The following RNF10 variants were observed in gnomAD, a reference collection of about 807,000 sequenced individuals.
RNF10 encodes E3 ubiquitin-protein ligase RNF10.
In RNF10, 38 loss-of-function variants were observed where a neutral mutation model predicts 91.4. The ratio of observed to expected loss-of-function variants is 0.42; its 90% CI spans 0.32 to 0.54. RNF10 has a LOEUF of 0.54. Ranked by LOEUF, RNF10 falls within the 20% of genes least tolerant of loss-of-function variation. The pLI, the probability that RNF10 is intolerant of heterozygous loss-of-function variation, is 0.16. For synonymous variants in RNF10, 364 were observed against 366.3 expected (o/e 0.99, Z 0.07); for missense variants, 945 against 1,012.0 (o/e 0.93, Z 0.90).
chr12:120,574,567 G>A, intron 14 of RNF10: 1 of 455,942 alleles, frequency 2.2e-6, no homozygotes, highest in South Asian at 1.5e-5. Context: ...GCGGTGTCAG[G>A]AGAGAGTTTA....
At position 120,576,615 on chromosome 12, in the gene RNF10, A is replaced by G; in HGVS notation, c.2385A>G (p.Lys795=). 2 of 1,614,024 alleles carry G rather than the reference A, an allele frequency of 1.2e-6. No individual in the cohort carries two copies. Among genetic ancestry groups the G allele is most frequent in the South Asian group, 2.2e-5 (2 of 91,066 alleles). The change falls in exon 17 of 17, where the codon AAA becomes AAG. Residue 795 remains lysine, a synonymous_variant. Transcript: ENST00000325954. ...AAGAGAAAGGAGGAAAGAAAAGAAA[A>G]AAACAGAAACAGAAGCTCCTGTTCA... The part of the protein sequence containing the change: ...LSEEKGGKKR[K]KQKQKLLFST...
At chr12:120,560,937 G>C in intron 7 of RNF10, 51 bp downstream of exon 7, 1 of 1,581,056 alleles carries the variant, frequency 6.3e-7, no homozygotes, top group African/African-American at 1.3e-5. Context: ...TCGGCGTTCT[G>C]TGGTGAAAAC....
chr12:120,536,372 C>G (rs113454376), intron 1 of RNF10, among the ~76,000 whole-genome samples: 4,543 of 152,170 alleles, frequency 0.03, 234 homozygotes, highest in African/African-American at 0.1. Context: ...CTGCGGTGAG[C>G]TATATCACGA....
At chr12:120,548,660 C>CT (rs5801391) in intron 2 of RNF10, among the ~76,000 whole-genome samples, 38,489 of 133,292 alleles carry the variant, frequency 0.29, 6,610 homozygotes, top group Middle Eastern at 0.41. Context: ...TTTTTTCTTT[C>CT]TTTTTTTTTT....
chr12:120,564,060 AG>A, intron 10 of RNF10, 117 bp downstream of exon 10: 1 of 1,159,636 alleles, frequency 8.6e-7, no homozygotes, highest in East Asian at 2.4e-5. Flanking sequence ...TTGTATTTTT[AG>A]TCTTTCTGTC....
At chr12:120,553,165 C>A (rs1026641980) in intron 3 of RNF10, among the ~76,000 whole-genome samples, 5 of 139,186 alleles carry the variant, frequency 3.6e-5, no homozygotes. Flanking sequence ...CTCACTGCAA[C>A]CTCTGCCTCC....
At chr12:120,563,675 G>A (rs1355242396) in intron 9 of RNF10, 52 bp downstream of exon 9, 1 of 1,568,672 alleles carries the variant, frequency 6.4e-7, no homozygotes. Flanking sequence ...TTTCAGAGGT[G>A]ACCCGGTGCT....
At chr12:120,569,536 A>ATTTTTTTTTTTTTT (rs1326256466) in intron 13 of RNF10, among the ~76,000 whole-genome samples, 15 of 41,250 alleles carry the variant, frequency 3.6e-4, no homozygotes, top group African/African-American at 5.2e-4. Flanking sequence ...TGTGATATGC[A>ATTTTTTTTTTTTTT]TCTTTTTTTT....
intron 12 of RNF10, 95 bp downstream of exon 12, chr12:120,565,624 G>A (rs933768523): frequency 1.0e-6 from 1 of 992,066 alleles, no homozygotes; most frequent in African/African-American, 1.6e-5. Context: ...TTAGCCACTT[G>A]TTTTCTTCAA....
intron 1 of RNF10, among the ~76,000 whole-genome samples, chr12:120,541,712 G>A (rs986281375): frequency 2.6e-5 from 4 of 151,408 alleles, no homozygotes; most frequent in Non-Finnish European, 5.9e-5. Context: ...GGGATTACAA[G>A]CATGAGCCAT....
Position 120,561,366 on chromosome 12 carries a change from T to C in RNF10, c.1128+480T>C, listed in dbSNP as rs532602289. 2.2e-4 allele frequency among the ~76,000 whole-genome samples: 34 copies of C among 152,338 alleles called. 1 individual carries two copies. In the Middle Eastern group the frequency reaches 0.01, roughly 46 times the overall value. ...AACAGAATTCCCTGGGTCTTTTATC[T>C]TCCACAACAGAGATTCTTGAAGCAT... On this transcript the variant is annotated intron_variant, in intron 7 of 16. Coordinates refer to ENST00000325954, the MANE Select transcript of RNF10 (RefSeq NM_014868.5).
rs768635121 is a variant in RNF10, at chr12:120,563,014, G to A, written c.1198G>A (p.Glu400Lys). ...GGTCACTGGTGTTGTGGCTGCTCTG[G>A]AACAACTGGTGCTGATGGCTCCCTT... ...REVTGVVAAL[E>K]QLVLMAPLAK... Residue 400 changes from glutamate to lysine, a missense_variant, in exon 8 of 17, where the codon GAA (glutamate) becomes AAA (lysine). Coordinates refer to ENST00000325954, the MANE Select transcript of RNF10 (RefSeq NM_014868.5). The A allele has an allele frequency of 6.2e-7, 1 of 1,614,106 alleles. No individual in the cohort carries two copies.
chr12:120,548,188 A>G (rs1872577000), intron 2 of RNF10, among the ~76,000 whole-genome samples: 1 of 152,190 alleles, frequency 6.6e-6, no homozygotes, highest in Non-Finnish European at 1.5e-5. Flanking sequence ...TGAAATTCCT[A>G]TTTGATAAAT....
chr12:120,539,264 A>G (rs1474829576), intron 1 of RNF10: 7 of 495,036 alleles, frequency 1.4e-5, no homozygotes, highest in Non-Finnish European at 2.6e-5. Flanking sequence ...ATGAAGTCCT[A>G]GGCGGTATTT....
intron 6 of RNF10, 73 bp downstream of exon 6, chr12:120,557,755 C>G (rs1874255347): frequency 6.5e-7 from 1 of 1,540,008 alleles, no homozygotes; most frequent in Admixed American, 1.7e-5. Context: ...ATCTAAGCAT[C>G]AGAAAGTGAA....
intron 11 of RNF10, 84 bp downstream of exon 11, chr12:120,565,273 T>A (rs536267454): frequency 1.5e-5 from 17 of 1,156,396 alleles, no homozygotes; most frequent in Middle Eastern, 2.0e-4. Context: ...AGGAAACTTA[T>A]GGAACTGTAT....
At chr12:120,544,868 G>A (rs1872081898) in intron 1 of RNF10, among the ~76,000 whole-genome samples, 1 of 152,090 alleles carries the variant, frequency 6.6e-6, no homozygotes, top group Non-Finnish European at 1.5e-5. Context: ...AAAATTAGAA[G>A]CCACCTAAAT....
intron 1 of RNF10, among the ~76,000 whole-genome samples, chr12:120,545,280 C>T (rs1028461003): frequency 3.3e-5 from 5 of 151,308 alleles, no homozygotes; most frequent in Admixed American, 2.6e-4. Flanking sequence ...TCCTGGGGTT[C>T]ACGCCGTTCT....
At chr12:120,558,679 G>C (rs929328553) in intron 6 of RNF10, among the ~76,000 whole-genome samples, 1 of 149,338 alleles carries the variant, frequency 6.7e-6, no homozygotes, top group Non-Finnish European at 1.5e-5. Flanking sequence ...AGCGATTCTC[G>C]TGCCTCAGCC....
Sources: allele counts gnomAD v4.1 joint callset (sites outside exome capture counted in the v4.1 genomes callset), GRCh38; gene constraint gnomAD v4.1.1; transcripts MANE v1.5; gene names NCBI Gene and HGNC (gene_info 2026-07-23, HGNC 2026-07-21).